Variants in GUCY1A2 observed in about 807,000 individuals in gnomAD.
GUCY1A2 encodes the protein guanylate cyclase 1 soluble subunit alpha 2.
Under a neutral mutation model 63.5 loss-of-function variants are expected in GUCY1A2, and 27 were observed. The ratio of observed to expected loss-of-function variants is 0.43; its 90% CI spans 0.31 to 0.59. The LOEUF (loss-of-function observed/expected upper bound fraction) is 0.59, where lower values mean the gene tolerates loss of function less well. Among genes scored for constraint, GUCY1A2 ranks in the 20% least tolerant of loss-of-function variants. The probability of loss-of-function intolerance (pLI) is 0.11; values close to 1 mark genes in which losing one functional copy is unlikely to be tolerated. For synonymous variants in GUCY1A2, 364 were observed against 343.5 expected (o/e 1.06, Z -0.66); for missense variants, 768 against 913.3 (o/e 0.84, Z 2.05).
chr11:106,964,580 T>C (rs1360452767), intron 3 of GUCY1A2, among the ~76,000 whole-genome samples: 1 of 152,228 alleles, frequency 6.6e-6, no homozygotes, highest in Admixed American at 6.5e-5. Flanking sequence ...TCTGTTTTTC[T>C]ATCTCTCATT....
chr11:107,017,046 T>A lies in GUCY1A2; in HGVS notation c.303+707A>T, dbSNP rs577503808. Among the ~76,000 whole-genome samples, 25 of 144,808 alleles carry A rather than the reference T, an allele frequency of 1.7e-4. 1 individual carries two copies. The highest frequency in any genetic ancestry group is 7.9e-4 in the East Asian group (4 of 5,056). The allele number at this position is 144,808 out of a possible 152,430, so 95.0% of individuals were successfully genotyped here. On this transcript the variant is annotated intron_variant, in intron 1 of 7. Coordinates refer to ENST00000526355, the MANE Select transcript of GUCY1A2 (RefSeq NM_000855.3). ...CCGGGACTTTAAATTAAATTTAATT[T>A]AAAAAAAAAGAAATCCAGACACCAG...
At position 106,886,643 on chromosome 11, in the gene GUCY1A2, G is replaced by A. The variant is rs111637503; in HGVS notation, c.1206+52817C>T. ...TTTATACTATATGAAATATAAATTT[G>A]TTCATGTTTAATTTGAAATAAAACA... On this transcript the variant is annotated intron_variant, in intron 4 of 7. Transcript: ENST00000526355. Among the ~76,000 whole-genome samples, 190 of 151,872 alleles carry A rather than the reference G, an allele frequency of 1.3e-3. 1 individual carries two copies. Among genetic ancestry groups the A allele is most frequent in the African/African-American group, 4.3e-3 (178 of 41,418 alleles).
intron 7 of GUCY1A2, among the ~76,000 whole-genome samples, chr11:106,705,552 A>C (rs1037477661): frequency 2.0e-5 from 3 of 152,242 alleles, no homozygotes; most frequent in Middle Eastern, 3.4e-3. Context: ...CATATGTAGA[A>C]AGTTAATATA....
At chr11:106,941,062 T>C (rs1289131301) in intron 3 of GUCY1A2, among the ~76,000 whole-genome samples, 2 of 152,108 alleles carry the variant, frequency 1.3e-5, no homozygotes, top group Non-Finnish European at 2.9e-5. Context: ...GCAGGTCAGC[T>C]AGACCTCAGG....
intron 6 of GUCY1A2, among the ~76,000 whole-genome samples, chr11:106,717,616 T>C (rs1016994655): frequency 6.6e-6 from 1 of 152,226 alleles, no homozygotes; most frequent in Non-Finnish European, 1.5e-5. Context: ...CGTAAGCTCT[T>C]CACTCATGTT....
chr11:107,008,109 C>T (rs1158289490), intron 1 of GUCY1A2, among the ~76,000 whole-genome samples: 1 of 149,230 alleles, frequency 6.7e-6, no homozygotes, highest in Non-Finnish European at 1.5e-5. Flanking sequence ...TATGGCGAAA[C>T]CCCTAATAAA....
chr11:106,798,944 G>A (rs1219410465), intron 5 of GUCY1A2, among the ~76,000 whole-genome samples: 1 of 152,158 alleles, frequency 6.6e-6, no homozygotes, highest in African/African-American at 2.4e-5. Flanking sequence ...GAAATAAAGG[G>A]TATTCAATTA....
chr11:106,744,137 T>C (rs572722771), intron 6 of GUCY1A2, among the ~76,000 whole-genome samples: 3 of 152,230 alleles, frequency 2.0e-5, no homozygotes, highest in African/African-American at 7.2e-5. Flanking sequence ...TCATTCCTAA[T>C]TGAAAAGAGT....
intron 6 of GUCY1A2, among the ~76,000 whole-genome samples, chr11:106,721,559 T>G (rs1863317329): frequency 6.6e-6 from 1 of 152,226 alleles, no homozygotes; most frequent in Non-Finnish European, 1.5e-5. Context: ...ATTAATGTTG[T>G]TACCAACATT....
chr11:106,893,429 T>C (rs1485442703), intron 4 of GUCY1A2, among the ~76,000 whole-genome samples: 1 of 149,718 alleles, frequency 6.7e-6, no homozygotes, highest in Non-Finnish European at 1.5e-5. Context: ...ATCCAATAAA[T>C]TCTGTTTGTT....
intron 4 of GUCY1A2, among the ~76,000 whole-genome samples, chr11:106,915,329 T>C (rs1007557414): frequency 3.3e-5 from 5 of 151,986 alleles, no homozygotes; most frequent in African/African-American, 1.2e-4. Flanking sequence ...GGCAGCAACC[T>C]TATAGGGGAC....
rs377316276 is a variant in GUCY1A2 at position 106,705,105 on chromosome 11, A to G, written c.1991+3407T>C. On this transcript the variant is annotated intron_variant, in intron 7 of 7. Coordinates refer to ENST00000526355, the MANE Select transcript of GUCY1A2 (RefSeq NM_000855.3). ...TCTTTTTTGTAATGTCATGTAAATA[A>G]TGTTCACAGGAACAAACTTTGTGAT... is the stretch of plus-strand genomic sequence containing the variant. Among the ~76,000 whole-genome samples, 9 of 152,232 alleles carry G rather than the reference A, an allele frequency of 5.9e-5. No homozygotes were observed. The South Asian group carries it at 1.9e-3, about 32-fold the overall frequency.
intron 4 of GUCY1A2, among the ~76,000 whole-genome samples, chr11:106,829,147 T>C (rs916000435): frequency 6.6e-6 from 1 of 152,244 alleles, no homozygotes; most frequent in Non-Finnish European, 1.5e-5. Context: ...CTTGGATTTG[T>C]ACAGCATGTT....
chr11:106,874,854 T>C (rs991834074), intron 4 of GUCY1A2, among the ~76,000 whole-genome samples: 1 of 152,126 alleles, frequency 6.6e-6, no homozygotes, highest in Non-Finnish European at 1.5e-5. Flanking sequence ...AAATTATGGA[T>C]GAGAATCAAG....
chr11:106,850,962 T>C (rs1245528844), intron 4 of GUCY1A2, among the ~76,000 whole-genome samples: 3 of 151,920 alleles, frequency 2.0e-5, no homozygotes, highest in Non-Finnish European at 4.4e-5. Flanking sequence ...CTACCAACAG[T>C]GTATAGGAGT....
chr11:107,014,749 G>A (rs1861796842), intron 1 of GUCY1A2, among the ~76,000 whole-genome samples: 1 of 152,122 alleles, frequency 6.6e-6, no homozygotes, highest in East Asian at 1.9e-4. Flanking sequence ...ACTGAGACAT[G>A]CCACGATGAG....
At chr11:106,886,678 T>C (rs1859904866) in intron 4 of GUCY1A2, among the ~76,000 whole-genome samples, 1 of 152,022 alleles carries the variant, frequency 6.6e-6, no homozygotes, top group African/African-American at 2.4e-5. Flanking sequence ...AAAAACAAAA[T>C]AAAAGACCAT....
At chr11:106,731,176 T>C (rs1863497344) in intron 6 of GUCY1A2, among the ~76,000 whole-genome samples, 1 of 152,188 alleles carries the variant, frequency 6.6e-6, no homozygotes, top group Non-Finnish European at 1.5e-5. Context: ...CCCAGTCTTA[T>C]GTCTGAAATG....
At chr11:107,014,324 T>A (rs1861790249) in intron 1 of GUCY1A2, among the ~76,000 whole-genome samples, 1 of 152,090 alleles carries the variant, frequency 6.6e-6, no homozygotes, top group Admixed American at 6.5e-5. Context: ...CTTGACCTAG[T>A]GATCTGCCTG....
Sources: gnomAD v4.1 joint callset for allele counts (sites outside exome capture counted in the v4.1 genomes callset) on GRCh38, gnomAD v4.1.1 for gene constraint, MANE v1.5 for transcripts, NCBI Gene and HGNC (gene_info 2026-07-23, HGNC 2026-07-21) for gene names.